OR9Q1: variants seen among roughly 807,000 people sequenced by gnomAD.
OR9Q1 encodes the protein olfactory receptor family 9 subfamily Q member 1, also known as olfactory receptor 9Q1.
For synonymous variants in OR9Q1, 153 were observed against 148.6 expected (o/e 1.03, Z -0.22); for missense variants, 374 against 378.8 (o/e 0.99, Z 0.11).
intron 2 of OR9Q1, among the ~76,000 whole-genome samples, chr11:58,144,283 G>GT (rs941076515): frequency 1.3e-5 from 2 of 149,300 alleles, no homozygotes; most frequent in African/African-American, 5.0e-5. Flanking sequence ...GCAGTGTTTG[G>GT]TTTTTTGTCC....
intron 2 of OR9Q1, among the ~76,000 whole-genome samples, chr11:58,149,078 A>T: frequency 6.6e-6 from 1 of 152,328 alleles, no homozygotes; most frequent in African/African-American, 2.4e-5. Context: ...AAAAATAAAA[A>T]ATGACAGCAA....
intron 2 of OR9Q1, among the ~76,000 whole-genome samples, chr11:58,130,156 T>G (rs980556201): frequency 1.3e-5 from 2 of 152,188 alleles, no homozygotes; most frequent in African/African-American, 2.4e-5. Context: ...AATAAATATT[T>G]GTTAAACAAT....
intron 2 of OR9Q1, chr11:58,109,177 C>G: frequency 2.0e-6 from 1 of 489,280 alleles, no homozygotes; most frequent in Non-Finnish European, 4.2e-6. Context: ...GGTGAAGGTG[C>G]ACGTGGTATG....
chr11:58,083,684 C>T (rs1202863316), intron 2 of OR9Q1, among the ~76,000 whole-genome samples: 1 of 151,356 alleles, frequency 6.6e-6, no homozygotes, highest in Non-Finnish European at 1.5e-5. Flanking sequence ...TGTGGCTAGC[C>T]AGTTATCCCA....
chr11:58,119,083 T>C lies in OR9Q1; in HGVS notation c.-14-60348T>C, dbSNP rs1853995276. ...TGGGTTGCGAATGGCAGCATAGCGATCATAGGCCATCACTGCCAGCAGAAA... is the reference window on the plus strand; with the variant it reads ...TGGGTTGCGAATGGCAGCATAGCGACCATAGGCCATCACTGCCAGCAGAAA... On this transcript the variant is annotated intron_variant, in intron 2 of 2. Transcript: ENST00000335397. The C allele has an allele frequency of 6.2e-7, 1 of 1,613,942 alleles. No individual in the cohort carries two copies. Among genetic ancestry groups the C allele is most frequent in the Non-Finnish European group, 8.5e-7 (1 of 1,179,966 alleles).
intron 2 of OR9Q1, among the ~76,000 whole-genome samples, chr11:58,112,061 G>T (rs532874369): frequency 6.6e-6 from 1 of 152,268 alleles, no homozygotes; most frequent in African/African-American, 2.4e-5. Flanking sequence ...GCAGAGGCAG[G>T]TGGATCACCT....
At chr11:58,024,153 C>CA (rs999231647) in intron 1 of OR9Q1, 49 bp downstream of exon 1, 15 of 152,340 alleles carry the variant, frequency 9.8e-5, no homozygotes, top group African/African-American at 3.6e-4. Flanking sequence ...GCTGTTAACA[C>CA]AGGGGGCTGT....
Position 58,119,201 on chromosome 11 carries a change from G to A in OR9Q1, c.-14-60230G>A, listed in dbSNP as rs765598647. 3.7e-6 allele frequency: 6 copies of A among 1,613,864 alleles called. No homozygotes were observed. The East Asian group carries it at 1.3e-4, about 36-fold the overall frequency. On this transcript the variant is annotated intron_variant, in intron 2 of 2. Coordinates refer to ENST00000335397, the MANE Select transcript of OR9Q1 (RefSeq NM_001005212.4). The stretch of plus-strand genomic sequence containing the variant: ...GTTTTGCCTGTGGCCAATGTGGCTA[G>A]GATCTGAGGGGTGATGACTGAGGTG...
intron 2 of OR9Q1, among the ~76,000 whole-genome samples, chr11:58,139,657 C>T (rs1263552341): frequency 1.3e-5 from 2 of 152,044 alleles, no homozygotes; most frequent in Non-Finnish European, 2.9e-5. Flanking sequence ...TGTATATGTG[C>T]CACATTTTCT....
At chr11:58,126,169 C>A (rs2514204) in intron 2 of OR9Q1, among the ~76,000 whole-genome samples, 16 of 152,306 alleles carry the variant, frequency 1.1e-4, no homozygotes, top group African/African-American at 3.6e-4. Flanking sequence ...AACTCTCTAA[C>A]CACTCCAGCT....
intron 2 of OR9Q1, among the ~76,000 whole-genome samples, chr11:58,092,848 G>A (rs987301869): frequency 3.9e-5 from 6 of 152,152 alleles, no homozygotes; most frequent in African/African-American, 1.4e-4. Flanking sequence ...AAATGTTCAC[G>A]AGTGGATTCA....
At chr11:58,154,927 A>T (rs896916351) in intron 2 of OR9Q1, among the ~76,000 whole-genome samples, 2 of 152,170 alleles carry the variant, frequency 1.3e-5, no homozygotes, top group Non-Finnish European at 2.9e-5. Context: ...TGCTTAGATG[A>T]TAGTGATTTT....
intron 2 of OR9Q1, among the ~76,000 whole-genome samples, chr11:58,126,894 T>A (rs61902770): frequency 5.3e-5 from 8 of 152,130 alleles, no homozygotes; most frequent in Non-Finnish European, 8.8e-5. Context: ...CATTGGGGGA[T>A]CTAGAGTGCT....
intron 1 of OR9Q1, among the ~76,000 whole-genome samples, chr11:58,046,010 A>G (rs1469895924): frequency 1.3e-5 from 2 of 152,062 alleles, no homozygotes; most frequent in Non-Finnish European, 2.9e-5. Flanking sequence ...TTGTCCCATG[A>G]GAGGCAAAAT....
At chr11:58,115,881 A>G (rs560468805) in intron 2 of OR9Q1, among the ~76,000 whole-genome samples, 43 of 152,322 alleles carry the variant, frequency 2.8e-4, no homozygotes, top group African/African-American at 1.0e-3. Flanking sequence ...AGAAGTTCCT[A>G]TGAAGTTCTC....
rs143857793 is a variant in OR9Q1 at position 58,179,812 on chromosome 11, A to T, written c.368A>T (p.Tyr123Phe). 12 of 1,614,052 alleles carry T rather than the reference A, an allele frequency of 7.4e-6. No individual in the cohort carries two copies. Among genetic ancestry groups the T allele is most frequent in the Admixed American group, 1.7e-5 (1 of 60,002 alleles). The change falls in exon 3 of 3, where the codon TAC becomes TTC. Residue 123 changes from tyrosine (Y) to phenylalanine (F), a missense_variant. Transcript: ENST00000335397. ...TTGGCCCTCATGGCCTATGACCGCT[A>T]CTTGGCTGTGTGCCAGCCCCTGCTT... Reference protein sequence around the residue: ...YLLALMAYDRYLAVCQPLLYV... With the variant: ...YLLALMAYDRFLAVCQPLLYV...
intron 2 of OR9Q1, among the ~76,000 whole-genome samples, chr11:58,176,497 G>A (rs1014708811): frequency 2.0e-5 from 3 of 152,160 alleles, no homozygotes; most frequent in African/African-American, 7.2e-5. Context: ...GTTGGAGCTG[G>A]GAGCCCACAG....
chr11:58,090,877 G>GT (rs1271622164), intron 2 of OR9Q1, among the ~76,000 whole-genome samples: 1 of 152,142 alleles, frequency 6.6e-6, no homozygotes, highest in Non-Finnish European at 1.5e-5. Flanking sequence ...TTTGGAGGGT[G>GT]TATGTGTCCA....
At chr11:58,036,882 G>C (rs1460403749) in intron 1 of OR9Q1, among the ~76,000 whole-genome samples, 1 of 152,190 alleles carries the variant, frequency 6.6e-6, no homozygotes, top group Non-Finnish European at 1.5e-5. Flanking sequence ...TGTGAACATT[G>C]TTGAAATTAC....
Sources: allele counts gnomAD v4.1 joint callset (sites outside exome capture counted in the v4.1 genomes callset), GRCh38; gene constraint gnomAD v4.1.1; transcripts MANE v1.5; gene names NCBI Gene and HGNC (gene_info 2026-07-23, HGNC 2026-07-21).